The following SPATS1 variants were observed in gnomAD, a reference collection of about 807,000 sequenced individuals.
SPATS1 encodes the protein spermatogenesis-associated serine-rich protein 1.
SPATS1 carries 23 observed loss-of-function variants against 33.6 expected under a neutral mutation model. The observed-to-expected ratio is 0.68, with a 90% CI of 0.49 to 0.97. The LOEUF (loss-of-function observed/expected upper bound fraction) is 0.97, where lower values mean the gene tolerates loss of function less well. SPATS1 is among the 50% of genes least tolerant of loss of function. The probability of loss-of-function intolerance (pLI) is 0.00; values close to 1 mark genes in which losing one functional copy is unlikely to be tolerated. For missense variants in SPATS1, 327 were observed against 361.0 expected (o/e 0.91, Z 0.76); for synonymous variants, 131 against 125.6 (o/e 1.04, Z -0.29).
chr6:44,343,856 T>C lies in SPATS1; in HGVS notation c.139+622T>C, dbSNP rs183184317. Among the ~76,000 whole-genome samples, 5 of 152,322 alleles carry C rather than the reference T, an allele frequency of 3.3e-5. No individual in the cohort carries two copies. In the East Asian group the frequency reaches 7.7e-4, roughly 24 times the overall value. ...CGCTCAAGTTCTCATTTACCTGTTATGGGTGAGTGGCCTGAGTGCTGCAAA... is the reference window on the plus strand; with the variant it reads ...CGCTCAAGTTCTCATTTACCTGTTACGGGTGAGTGGCCTGAGTGCTGCAAA... On this transcript the variant is annotated intron_variant, in intron 2 of 8. Transcript: ENST00000674044.
At chr6:44,345,348 T>G (rs1466479012) in intron 2 of SPATS1, among the ~76,000 whole-genome samples, 1 of 152,130 alleles carries the variant, frequency 6.6e-6, no homozygotes, top group East Asian at 1.9e-4. Context: ...CCCATTATAG[T>G]GGCCACAGGC....
chr6:44,356,264 G>A (rs1425239298), intron 3 of SPATS1, among the ~76,000 whole-genome samples: 1 of 152,098 alleles, frequency 6.6e-6, no homozygotes, highest in Non-Finnish European at 1.5e-5. Flanking sequence ...GGGGGATCAA[G>A]CCCTGAAACA....
At chr6:44,351,774 C>G (rs1788260992) in intron 2 of SPATS1, among the ~76,000 whole-genome samples, 1 of 152,084 alleles carries the variant, frequency 6.6e-6, no homozygotes, top group Non-Finnish European at 1.5e-5. Flanking sequence ...AGTTATAATT[C>G]TTTTTCATTT....
intron 3 of SPATS1, among the ~76,000 whole-genome samples, chr6:44,359,111 C>T (rs1218951862): frequency 6.6e-6 from 1 of 152,048 alleles, no homozygotes; most frequent in Non-Finnish European, 1.5e-5. Flanking sequence ...CAGGTGTGCA[C>T]CACCACACCT....
chr6:44,373,533 G>A (rs1217012828), intron 7 of SPATS1, among the ~76,000 whole-genome samples: 7 of 152,156 alleles, frequency 4.6e-5, no homozygotes. Flanking sequence ...GTTATTTGAT[G>A]AATCAGTTTT....
At chr6:44,343,517 C>T (rs1300124607) in intron 2 of SPATS1, 10 of 531,200 alleles carry the variant, frequency 1.9e-5, no homozygotes, top group East Asian at 9.6e-5. Flanking sequence ...GAGATTTGAC[C>T]TGCCCAGTGC....
intron 5 of SPATS1, among the ~76,000 whole-genome samples, chr6:44,365,019 C>T (rs920360723): frequency 6.6e-6 from 1 of 152,068 alleles, no homozygotes. Flanking sequence ...CAACTCCTGA[C>T]CTCAGATGAT....
chr6:44,368,607 T>G, intron 6 of SPATS1, 108 bp downstream of exon 6: 1 of 1,082,554 alleles, frequency 9.2e-7, no homozygotes, highest in Non-Finnish European at 1.3e-6. Context: ...CAAGATGTGA[T>G]TGGATGAAAA....
intron 2 of SPATS1, among the ~76,000 whole-genome samples, chr6:44,350,848 G>A (rs1788187955): frequency 1.3e-5 from 2 of 152,066 alleles, no homozygotes; most frequent in Admixed American, 1.3e-4. Flanking sequence ...ACAAGTCTGG[G>A]TGTCGTGGCT....
chr6:44,343,448 T>C (rs953298441), intron 2 of SPATS1: 1 of 657,446 alleles, frequency 1.5e-6, no homozygotes, highest in Non-Finnish European at 2.8e-6. Context: ...GTCTCATAAA[T>C]TACCTCACTG....
Position 44,343,495 on chromosome 6 carries a change from T to A in SPATS1, c.139+261T>A, listed in dbSNP as rs766385597. 1.0e-4 allele frequency: 57 copies of A among 566,492 alleles called. 1 individual carries two copies. The highest frequency in any genetic ancestry group is 2.7e-4 in the Middle Eastern group (1 of 3,702). The allele number at this position is 566,492 out of a possible 1,614,324, so 35.1% of individuals were successfully genotyped here. On this transcript the variant is annotated intron_variant, in intron 2 of 8. Coordinates refer to ENST00000674044, the MANE Select transcript of SPATS1 (RefSeq NM_001372081.1). The stretch of plus-strand genomic sequence containing the variant: ...AGTGGAGAAGTATATTACCTATGAG[T>A]AAAGGGAGCCAGAGATTTGACCTGC...
intron 5 of SPATS1, 125 bp downstream of exon 5, chr6:44,362,117 C>T: frequency 8.2e-7 from 1 of 1,212,664 alleles, no homozygotes; most frequent in Non-Finnish European, 1.2e-6. Flanking sequence ...CTAGTGCAGC[C>T]AGGAAGACAG....
At position 44,377,186 on chromosome 6, in the gene SPATS1, T is replaced by C; in HGVS notation, c.*123T>C. The stretch of plus-strand genomic sequence containing the variant: ...ACCCTTATGAGGAAGTGTTGTGCTT[T>C]GCTTTTTTAAAACTTTATATTTTGA... On this transcript the variant is annotated 3_prime_UTR_variant, in exon 9 of 9. Transcript: ENST00000674044. The C allele has an allele frequency of 2.3e-6, 3 of 1,280,036 alleles. No individual in the cohort carries two copies. The highest frequency in any genetic ancestry group is 4.2e-5 in the Admixed American group (2 of 47,152). 79.3% of individuals were successfully genotyped at this position (1,280,036 alleles called of 1,614,324 possible). A position where few individuals can be genotyped will look rare whatever the true frequency, so the allele number is the denominator to read the frequency against.
rs779832625 is a variant in SPATS1, at chr6:44,343,248, A to T, written c.139+14A>T. On this transcript the variant is annotated intron_variant, in intron 2 of 8. Transcript: ENST00000674044. ...AGAGGACCTACAGTTGAGTTCTAAG[A>T]AATCCAGGCTGTGGAGTTGGTGGCC... is the stretch of plus-strand genomic sequence containing the variant. 11 of 1,611,674 alleles carry T rather than the reference A, an allele frequency of 6.8e-6. No homozygotes were observed. The highest frequency in any genetic ancestry group is 3.3e-5 in the Admixed American group (2 of 59,892).
chr6:44,365,110 G>A (rs1789167170), intron 5 of SPATS1, among the ~76,000 whole-genome samples: 1 of 152,206 alleles, frequency 6.6e-6, no homozygotes, highest in Admixed American at 6.5e-5. Context: ...TTTCTTGGAT[G>A]AGATGAAGTG....
intron 2 of SPATS1, among the ~76,000 whole-genome samples, chr6:44,345,878 G>T (rs1034054171): frequency 4.6e-5 from 7 of 152,142 alleles, no homozygotes; most frequent in African/African-American, 1.4e-4. Flanking sequence ...TCAGTAAGAT[G>T]GGGACATTCC....
Position 44,377,020 on chromosome 6 carries a change from T to C in SPATS1, c.875-15T>C, listed in dbSNP as rs1349238061. On this transcript the variant is annotated splice_polypyrimidine_tract_variant and intron_variant, in intron 8 of 8. Transcript: ENST00000674044. ...TAATGGAAGAAAACCTGTAACTCCA[T>C]GCCTCTATCCACAGGTGCTTTGGAC... 3.7e-6 allele frequency: 6 copies of C among 1,614,086 alleles called. No individual in the cohort carries two copies. The highest frequency in any genetic ancestry group is 5.1e-6 in the Non-Finnish European group (6 of 1,180,016).
At chr6:44,362,412 T>C (rs1221720827) in intron 5 of SPATS1, among the ~76,000 whole-genome samples, 2 of 152,214 alleles carry the variant, frequency 1.3e-5, no homozygotes, top group African/African-American at 4.8e-5. Flanking sequence ...CATGTTTTTA[T>C]TTTATTGCTG....
intron 2 of SPATS1, among the ~76,000 whole-genome samples, chr6:44,344,258 A>T (rs75707588): frequency 1.3e-5 from 2 of 152,176 alleles, no homozygotes; most frequent in Non-Finnish European, 2.9e-5. Flanking sequence ...CCCAGACCAC[A>T]TTAATGAAAG....
Sources: allele counts gnomAD v4.1 joint callset (sites outside exome capture counted in the v4.1 genomes callset), GRCh38; gene constraint gnomAD v4.1.1; transcripts MANE v1.5; gene names NCBI Gene and HGNC (gene_info 2026-07-23, HGNC 2026-07-21).